STAM2: variants seen among roughly 807,000 people sequenced by gnomAD.
STAM2 encodes the protein signal transducing adapter molecule 2.
In STAM2, 51 loss-of-function variants were observed where a neutral mutation model predicts 65.6. The ratio of observed to expected loss-of-function variants is 0.78; its 90% CI spans 0.62 to 0.98. The LOEUF (loss-of-function observed/expected upper bound fraction) is 0.98, where lower values mean the gene tolerates loss of function less well. Ranked by LOEUF, STAM2 falls within the 50% of genes least tolerant of loss-of-function variation. The pLI is 0.00. For synonymous variants in STAM2, 198 were observed against 208.4 expected, an observed-to-expected ratio of 0.95 and a Z score of 0.43; for missense variants, 584 against 617.8, an observed-to-expected ratio of 0.95 and a Z score of 0.58.
Position 152,130,551 on chromosome 2 carries a change from G to A in STAM2, c.1025+1563C>T, listed in dbSNP as rs561663705. Among the ~76,000 whole-genome samples, 38 of 151,434 alleles carry A rather than the reference G, an allele frequency of 2.5e-4. 1 individual carries two copies. Among genetic ancestry groups the A allele is most frequent in the East Asian group, 6.1e-4 (3 of 4,900 alleles). On this transcript the variant is annotated intron_variant, in intron 11 of 13. Transcript: ENST00000263904. ...CAGGCTTGAGCCACTGCGCCTGGCC[G>A]CTCCTATTTTTAAAGGACAATAAGG...
Position 152,152,948 on chromosome 2 carries a change from A to G in STAM2, c.41-2719T>C, listed in dbSNP as rs149797816. Among the ~76,000 whole-genome samples the G allele has an allele frequency of 3.1e-4, 47 of 152,334 alleles. No individual in the cohort carries two copies. The East Asian group carries it at 5.0e-3, about 16-fold the overall frequency. On this transcript the variant is annotated intron_variant, in intron 1 of 13. Coordinates refer to ENST00000263904, the MANE Select transcript of STAM2 (RefSeq NM_005843.6). ...TTTATAAAGGTTTATTAAGTTGTAC[A>G]GTATGTATGTAGAAAATATTTTCAA...
At chr2:152,127,270 A>G (rs1688978964) in intron 11 of STAM2, among the ~76,000 whole-genome samples, 1 of 152,226 alleles carries the variant, frequency 6.6e-6, no homozygotes, top group Non-Finnish European at 1.5e-5. Flanking sequence ...ACTTGCAGTC[A>G]CAATCCTCTA....
intron 2 of STAM2, among the ~76,000 whole-genome samples, 155 bp from the exon 3 acceptor site, chr2:152,148,455 A>G: frequency 6.6e-6 from 1 of 152,166 alleles, no homozygotes; most frequent in Non-Finnish European, 1.5e-5. Flanking sequence ...GGATCACTTG[A>G]GCCCATGAAT....
At chr2:152,160,978 C>T (rs1395960381) in intron 1 of STAM2, among the ~76,000 whole-genome samples, 1 of 151,484 alleles carries the variant, frequency 6.6e-6, no homozygotes, top group African/African-American at 2.4e-5. Context: ...TGCCCGGCCA[C>T]CACCCCGTCT....
rs1690008714 is a variant in STAM2, at chr2:152,175,717, G to A, written c.-75C>T. The A allele has an allele frequency of 1.3e-6, 2 of 1,525,592 alleles. No individual in the cohort carries two copies. Among genetic ancestry groups the A allele is most frequent in the South Asian group, 1.2e-5 (1 of 84,578 alleles). The allele number at this position is 1,525,592 out of a possible 1,614,324, so 94.5% of individuals were successfully genotyped here. A position where few individuals can be genotyped will look rare whatever the true frequency, so the allele number is the denominator to read the frequency against. On this transcript the variant is annotated 5_prime_UTR_variant, in exon 1 of 14. Transcript: ENST00000263904. ...ACTGCTACCCGCCGGGTGACCCGCG[G>A]CCGCGGCTCCCTAGACCGCTCCGCT...
chr2:152,169,139 C>T (rs916115847), intron 1 of STAM2, among the ~76,000 whole-genome samples: 2 of 152,110 alleles, frequency 1.3e-5, no homozygotes, highest in Non-Finnish European at 2.9e-5. Flanking sequence ...ATTTTCTTTA[C>T]AATAAAAGAC....
chr2:152,159,431 GAT>G (rs1689618119), intron 1 of STAM2, among the ~76,000 whole-genome samples: 1 of 152,032 alleles, frequency 6.6e-6, no homozygotes, highest in Admixed American at 6.6e-5. Context: ...TTTTACTAAA[GAT>G]AGAAACATTC....
rs148889843 is a variant in STAM2, at chr2:152,164,219, A to G, written c.40+11384T>C. 7.5e-4 allele frequency among the ~76,000 whole-genome samples: 115 copies of G among 152,334 alleles called. 1 individual carries two copies. The highest frequency in any genetic ancestry group is 4.6e-3 in the East Asian group (24 of 5,182). ...CTGGCCGACACTTAGGAAAAATAGA[A>G]CCTATGTTGAAATATTGGAGGTGGG... On this transcript the variant is annotated intron_variant, in intron 1 of 13. Coordinates refer to ENST00000263904, the MANE Select transcript of STAM2 (RefSeq NM_005843.6).
At chr2:152,165,440 A>G (rs1284795298) in intron 1 of STAM2, among the ~76,000 whole-genome samples, 2 of 152,120 alleles carry the variant, frequency 1.3e-5, no homozygotes, top group East Asian at 3.9e-4. Flanking sequence ...CAAAAAAAAA[A>G]AGTCTCCAAG....
Position 152,158,483 on chromosome 2 carries a change from A to T in STAM2, c.41-8254T>A, listed in dbSNP as rs113262418. Among the ~76,000 whole-genome samples the T allele has an allele frequency of 3.3e-3, 505 of 152,278 alleles. 3 individuals carry two copies. Among genetic ancestry groups the T allele is most frequent in the African/African-American group, 0.011 (472 of 41,540 alleles). ...AGAGCAAGATTCCATCTCAAAAAAA[A>T]AATAATAATAATTGTAATACCCGAT... On this transcript the variant is annotated intron_variant, in intron 1 of 13. Coordinates refer to ENST00000263904, the MANE Select transcript of STAM2 (RefSeq NM_005843.6).
At chr2:152,150,049 T>G in intron 2 of STAM2, 96 bp downstream of exon 2, 1 of 817,258 alleles carries the variant, frequency 1.2e-6, no homozygotes, top group South Asian at 1.6e-5. Flanking sequence ...GGGTCAACTG[T>G]GATAAAGTCT....
At chr2:152,167,029 T>C (rs1689801440) in intron 1 of STAM2, among the ~76,000 whole-genome samples, 1 of 152,230 alleles carries the variant, frequency 6.6e-6, no homozygotes, top group Admixed American at 6.5e-5. Flanking sequence ...ACTGCTATCA[T>C]TTAAAAATTA....
chr2:152,137,849 A>G (rs1170636608), intron 7 of STAM2, among the ~76,000 whole-genome samples: 1 of 152,172 alleles, frequency 6.6e-6, no homozygotes, highest in East Asian at 1.9e-4. Context: ...CATTCATCAC[A>G]GCAAAATTTA....
chr2:152,162,411 TAA>T (rs199862931), intron 1 of STAM2, among the ~76,000 whole-genome samples: 1 of 146,726 alleles, frequency 6.8e-6, no homozygotes, highest in Non-Finnish European at 1.5e-5. Flanking sequence ...CCTCACCTCT[TAA>T]AAAAAAAAAT....
chr2:152,168,414 T>C (rs983004553), intron 1 of STAM2, among the ~76,000 whole-genome samples: 4 of 152,036 alleles, frequency 2.6e-5, no homozygotes, highest in Admixed American at 2.6e-4. Context: ...CACCTCGACC[T>C]CCCAAAGTGC....
chr2:152,169,279 TTTTTG>T (rs1464517661), intron 1 of STAM2, among the ~76,000 whole-genome samples: 1 of 152,168 alleles, frequency 6.6e-6, no homozygotes, highest in Middle Eastern at 3.2e-3. Flanking sequence ...TGGTTTCGTT[TTTTTG>T]TTTTGTTCGG....
At position 152,144,023 on chromosome 2, in the gene STAM2, A is replaced by T. The variant is rs776892037; in HGVS notation, c.518-10T>A. The T allele has an allele frequency of 6.3e-7, 1 of 1,594,220 alleles. No individual in the cohort carries two copies. Among genetic ancestry groups the T allele is most frequent in the Non-Finnish European group, 8.5e-7 (1 of 1,175,130 alleles). ...AGCGATAATTCAATAGCTAGTTTCA[A>T]AAATTAAAATGCAAAGAAACTGGAA... On this transcript the variant is annotated splice_polypyrimidine_tract_variant and intron_variant, in intron 6 of 13. Coordinates refer to ENST00000263904, the MANE Select transcript of STAM2 (RefSeq NM_005843.6).
In STAM2 at chr2:152,118,710, A is replaced by T. The variant is rs951090443; in HGVS notation, c.*1864T>A. ...GAGAGCAGCTTTGGATTTTTTTTAA[A>T]TGTTTTTTAAAAATTATTATTTTGT... is the stretch of plus-strand genomic sequence containing the variant. On this transcript the variant is annotated 3_prime_UTR_variant, in exon 14 of 14. Coordinates refer to ENST00000263904, the MANE Select transcript of STAM2 (RefSeq NM_005843.6). The T allele has an allele frequency of 6.6e-6, 1 of 151,844 alleles. No individual in the cohort carries two copies. The highest frequency in any genetic ancestry group is 1.5e-5 in the Non-Finnish European group (1 of 67,882). 9.4% of individuals were successfully genotyped at this position (151,844 alleles called of 1,614,324 possible).
chr2:152,132,293 T>C (rs1689078879), intron 10 of STAM2, 125 bp from the exon 11 acceptor site: 1 of 611,546 alleles, frequency 1.6e-6, no homozygotes. Flanking sequence ...AAGCTCATGC[T>C]AGAGAAAGAC....
Sources: gnomAD v4.1 joint callset for allele counts (sites outside exome capture counted in the v4.1 genomes callset) on GRCh38, gnomAD v4.1.1 for gene constraint, MANE v1.5 for transcripts, NCBI Gene and HGNC (gene_info 2026-07-23, HGNC 2026-07-21) for gene names.